The following CYSLTR2 variants were observed in gnomAD, a reference collection of about 807,000 sequenced individuals.
CYSLTR2 encodes G-protein coupled receptor GPCR21.
For synonymous variants in CYSLTR2, 179 were observed against 160.8 expected, an observed-to-expected ratio of 1.11 and a Z score of -0.86; for missense variants, 398 against 411.9, an observed-to-expected ratio of 0.97 and a Z score of 0.29.
At chr13:48,665,388 G>T (rs1354634857) in intron 1 of CYSLTR2, among the ~76,000 whole-genome samples, 1 of 152,060 alleles carries the variant, frequency 6.6e-6, no homozygotes. Context: ...CTGATTAGAT[G>T]ATCTGTCCAG....
At chr13:48,655,825 A>C (rs1952984042) in intron 1 of CYSLTR2, among the ~76,000 whole-genome samples, 1 of 152,246 alleles carries the variant, frequency 6.6e-6, no homozygotes, top group African/African-American at 2.4e-5. Flanking sequence ...GAACTGGTCC[A>C]ATCTGGTTGA....
chr13:48,695,403 C>CTCTT (rs1954156496), intron 3 of CYSLTR2, among the ~76,000 whole-genome samples: 1 of 147,172 alleles, frequency 6.8e-6, no homozygotes, highest in African/African-American at 2.5e-5. Context: ...CTCTCTCTCT[C>CTCTT]TCTTTCTCTC....
At chr13:48,674,785 G>A (rs1297560237) in intron 1 of CYSLTR2, among the ~76,000 whole-genome samples, 4 of 152,186 alleles carry the variant, frequency 2.6e-5, no homozygotes, top group African/African-American at 9.7e-5. Flanking sequence ...TTTGATGCTG[G>A]TGACCTTTGG....
chr13:48,696,688 A>T (rs556715072), intron 4 of CYSLTR2, 62 bp downstream of exon 4: 2 of 152,266 alleles, frequency 1.3e-5, no homozygotes, highest in Non-Finnish European at 2.9e-5. Flanking sequence ...AGCAGGGCGG[A>T]GCATCGCGTC....
At chr13:48,674,645 A>G (rs530062146) in intron 1 of CYSLTR2, among the ~76,000 whole-genome samples, 2 of 152,224 alleles carry the variant, frequency 1.3e-5, no homozygotes, top group South Asian at 4.2e-4. Flanking sequence ...CCCATTCACC[A>G]TTCAGTTTTG....
At chr13:48,687,525 T>C (rs551865855) in intron 1 of CYSLTR2, among the ~76,000 whole-genome samples, 32 of 152,262 alleles carry the variant, frequency 2.1e-4, no homozygotes, top group Non-Finnish European at 3.5e-4. Context: ...AATCATCTAT[T>C]ATCTATCAAT....
intron 4 of CYSLTR2, among the ~76,000 whole-genome samples, chr13:48,696,950 C>T (rs1348840160): frequency 6.6e-6 from 1 of 152,162 alleles, no homozygotes; most frequent in African/African-American, 2.4e-5. Flanking sequence ...AAGGTGGCAG[C>T]CAGGCTTGGG....
rs1954593232 is a variant in CYSLTR2 at position 48,709,782 on chromosome 13, G to C, written c.*1924G>C. Reference sequence around the variant, plus strand: ...AAGATAGAGGAAAACACAGTAGCTGGGAAACAAGGAATCCAACGCAGGAGA... The same window carrying C: ...AAGATAGAGGAAAACACAGTAGCTGCGAAACAAGGAATCCAACGCAGGAGA... On this transcript the variant is annotated 3_prime_UTR_variant, in exon 5 of 5. Coordinates refer to ENST00000682523, the MANE Select transcript of CYSLTR2 (RefSeq NM_001308476.3). 1 of 152,132 alleles carries C rather than the reference G, an allele frequency of 6.6e-6. No individual in the cohort carries two copies. Among genetic ancestry groups the C allele is most frequent in the Non-Finnish European group, 1.5e-5 (1 of 68,028 alleles). The allele number at this position is 152,132 out of a possible 1,614,324, so 9.4% of individuals were successfully genotyped here.
chr13:48,669,049 G>A (rs1953347005), intron 1 of CYSLTR2, among the ~76,000 whole-genome samples: 1 of 152,054 alleles, frequency 6.6e-6, no homozygotes, highest in Non-Finnish European at 1.5e-5. Flanking sequence ...TTCCTATTGT[G>A]AAAAATGCTG....
At chr13:48,668,393 G>A (rs1459662162) in intron 1 of CYSLTR2, among the ~76,000 whole-genome samples, 1 of 152,126 alleles carries the variant, frequency 6.6e-6, no homozygotes, top group Admixed American at 6.6e-5. Flanking sequence ...TTAGAGATCA[G>A]AGAGAGTGGC....
intron 1 of CYSLTR2, among the ~76,000 whole-genome samples, chr13:48,680,800 C>CTTTTTTTTTTTTTTT (rs139896583): frequency 2.4e-3 from 132 of 54,948 alleles, no homozygotes; most frequent in East Asian, 3.7e-3. Context: ...CTTTTCTTTT[C>CTTTTTTTTTTTTTTT]TTTTTTTTTT....
At chr13:48,681,883 G>A (rs1445042749) in intron 1 of CYSLTR2, among the ~76,000 whole-genome samples, 1 of 151,994 alleles carries the variant, frequency 6.6e-6, no homozygotes, top group Non-Finnish European at 1.5e-5. Context: ...CTACTTTTTC[G>A]GCCCCTTCTC....
rs1954575096 is a variant in CYSLTR2, at chr13:48,708,990, G to A, written c.*1132G>A. Reference sequence around the variant, plus strand: ...TCTCCCTGCAGGGCAGATTATGCCAGGCACTTTACATTTGTTGATCCCATT... The same window carrying A: ...TCTCCCTGCAGGGCAGATTATGCCAAGCACTTTACATTTGTTGATCCCATT... On this transcript the variant is annotated 3_prime_UTR_variant, in exon 5 of 5. Transcript: ENST00000682523. 6.0e-6 allele frequency: 1 copy of A among 167,114 alleles called. No individual in the cohort carries two copies. Among genetic ancestry groups the A allele is most frequent in the African/African-American group, 2.4e-5 (1 of 41,464 alleles). 10.4% of individuals were successfully genotyped at this position (167,114 alleles called of 1,614,324 possible).
At chr13:48,700,328 A>G (rs1037549212) in intron 4 of CYSLTR2, among the ~76,000 whole-genome samples, 36 of 152,324 alleles carry the variant, frequency 2.4e-4, no homozygotes, top group African/African-American at 8.4e-4. Flanking sequence ...ACCACGATCA[A>G]GTTGGCTTCA....
At chr13:48,695,868 C>T (rs570836336) in intron 3 of CYSLTR2, among the ~76,000 whole-genome samples, 1 of 152,210 alleles carries the variant, frequency 6.6e-6, no homozygotes, top group Non-Finnish European at 1.5e-5. Context: ...GCAGTAATCA[C>T]TGACTTATAG....
chr13:48,676,408 A>G (rs192964553), intron 1 of CYSLTR2, among the ~76,000 whole-genome samples: 1 of 152,346 alleles, frequency 6.6e-6, no homozygotes, highest in African/African-American at 2.4e-5. Context: ...ACATCTAGCA[A>G]TGATGTATAG....
chr13:48,685,774 C>T (rs562142713), intron 1 of CYSLTR2, among the ~76,000 whole-genome samples: 2 of 152,276 alleles, frequency 1.3e-5, no homozygotes, highest in East Asian at 1.9e-4. Flanking sequence ...TACATAACAA[C>T]ATCATCATTC....
At chr13:48,680,800 C>CTTTTTTTTTTTTTTTTTTTTTTTTTTTTT (rs139896583) in intron 1 of CYSLTR2, among the ~76,000 whole-genome samples, 9 of 55,048 alleles carry the variant, frequency 1.6e-4, no homozygotes, top group East Asian at 6.2e-4. Flanking sequence ...CTTTTCTTTT[C>CTTTTTTTTTTTTTTTTTTTTTTTTTTTTT]TTTTTTTTTT....
intron 1 of CYSLTR2, among the ~76,000 whole-genome samples, chr13:48,673,925 T>C (rs993546333): frequency 5.9e-5 from 9 of 152,170 alleles, no homozygotes; most frequent in Admixed American, 4.6e-4. Context: ...AAAATTCTTT[T>C]CTTTAAGAAT....
Sources: gnomAD v4.1 joint callset for allele counts (sites outside exome capture counted in the v4.1 genomes callset) on GRCh38, gnomAD v4.1.1 for gene constraint, MANE v1.5 for transcripts, NCBI Gene and HGNC (gene_info 2026-07-23, HGNC 2026-07-21) for gene names.